The following FMNL2 variants were observed in gnomAD, a reference collection of about 807,000 sequenced individuals.
The protein encoded by FMNL2 is formin-like protein 2.
FMNL2 carries 51 observed loss-of-function variants against 130.2 expected under a neutral mutation model. The observed-to-expected ratio is 0.39, with a 90% CI of 0.31 to 0.49. The LOEUF (loss-of-function observed/expected upper bound fraction) is 0.49, where lower values mean the gene tolerates loss of function less well. Ranked by LOEUF, FMNL2 falls within the 20% of genes least tolerant of loss-of-function variation. The pLI, the probability that FMNL2 is intolerant of heterozygous loss-of-function variation, is 0.85. For synonymous variants in FMNL2, 465 were observed against 467.1 expected, an observed-to-expected ratio of 1.00 and a Z score of 0.06; for missense variants, 977 against 1,316.2, an observed-to-expected ratio of 0.74 and a Z score of 3.99.
chr2:152,386,876 T>C (rs1460962803), intron 1 of FMNL2, among the ~76,000 whole-genome samples: 1 of 152,202 alleles, frequency 6.6e-6, no homozygotes, highest in Non-Finnish European at 1.5e-5. Flanking sequence ...TTTTAATTTA[T>C]CTCAACAAAG....
intron 1 of FMNL2, among the ~76,000 whole-genome samples, chr2:152,397,882 GGGAGACCAAGGCAGGCGGATCACCTGA>G: frequency 6.6e-6 from 1 of 152,186 alleles, no homozygotes; most frequent in African/African-American, 2.4e-5. Flanking sequence ...CCAGCACCTT[GGGAGACCAAGGCAGGCGGATCACCTGA>G]GGTCAGGAGT....
chr2:152,637,690 C>T lies in FMNL2; in HGVS notation c.2946+16C>T, dbSNP rs752864361. On this transcript the variant is annotated intron_variant, in intron 23 of 25. Transcript: ENST00000288670. ...AGCATATAAGGTATATGTTAAGGCC[C>T]TCCTTGCCCTTATTTCTCAAGCAAT... 3 of 1,606,112 alleles carry T rather than the reference C, an allele frequency of 1.9e-6. No individual in the cohort carries two copies. In the Admixed American group the frequency reaches 5.0e-5, roughly 27 times the overall value.
chr2:152,336,296 G>A (rs1270725024), intron 1 of FMNL2, among the ~76,000 whole-genome samples: 3 of 152,110 alleles, frequency 2.0e-5, no homozygotes, highest in Admixed American at 6.5e-5. Context: ...AAGGGAAAGC[G>A]GAGACCCACA....
At chr2:152,638,442 G>T (rs1481429935) in intron 23 of FMNL2, among the ~76,000 whole-genome samples, 1 of 152,218 alleles carries the variant, frequency 6.6e-6, no homozygotes, top group Non-Finnish European at 1.5e-5. Context: ...GGAGGGATGT[G>T]GCAGGGTTCT....
rs1359705292 is a variant in FMNL2 at position 152,648,778 on chromosome 2, A to ACTCTC, written c.*878_*882dup. ...AGAGTAGTGTTAGGAACCTGGCCTTACTCTCCTCTGACAATCGCAATTTTT... is the reference window on the plus strand; with the variant it reads ...AGAGTAGTGTTAGGAACCTGGCCTTACTCTCCTCTCCTCTGACAATCGCAATTTTT... On this transcript the variant is annotated 3_prime_UTR_variant, in exon 26 of 26. Transcript: ENST00000288670. 6.6e-6 allele frequency: 1 copy of ACTCTC among 152,474 alleles called. No individual in the cohort carries two copies. The highest frequency in any genetic ancestry group is 1.9e-4 in the East Asian group (1 of 5,188). The allele number at this position is 152,474 out of a possible 1,614,324, so 9.4% of individuals were successfully genotyped here. A position where few individuals can be genotyped will look rare whatever the true frequency, so the allele number is the denominator to read the frequency against.
chr2:152,611,458 T>C lies in FMNL2; in HGVS notation c.952-37T>C, dbSNP rs111990322. 28 of 1,267,840 alleles carry C rather than the reference T, an allele frequency of 2.2e-5. 1 individual carries two copies. The highest frequency in any genetic ancestry group is 1.3e-4 in the African/African-American group (9 of 67,170). 78.5% of individuals were successfully genotyped at this position (1,267,840 alleles called of 1,614,324 possible). ...TCTGCAGTTAAACTGAGAAAAAAGTTTGGAGCCCATCTAACCCCTTGACAA... is the reference window on the plus strand; with the variant it reads ...TCTGCAGTTAAACTGAGAAAAAAGTCTGGAGCCCATCTAACCCCTTGACAA... On this transcript the variant is annotated intron_variant, in intron 10 of 25. Coordinates refer to ENST00000288670, the MANE Select transcript of FMNL2 (RefSeq NM_052905.4).
At chr2:152,645,351 T>C (rs746358557) in intron 25 of FMNL2, 18 of 657,202 alleles carry the variant, frequency 2.7e-5, no homozygotes, top group African/African-American at 3.8e-5. Flanking sequence ...CCTGGGAATG[T>C]TGAGCACTAA....
At chr2:152,360,934 T>G (rs1326140108) in intron 1 of FMNL2, among the ~76,000 whole-genome samples, 1 of 152,226 alleles carries the variant, frequency 6.6e-6, no homozygotes, top group Admixed American at 6.5e-5. Flanking sequence ...TTATAAGACT[T>G]CTTAAGTCTT....
At chr2:152,384,345 G>A (rs1684664511) in intron 1 of FMNL2, among the ~76,000 whole-genome samples, 1 of 152,130 alleles carries the variant, frequency 6.6e-6, no homozygotes, top group Non-Finnish European at 1.5e-5. Context: ...CCAGAGTCTG[G>A]ATTACCAGCC....
chr2:152,537,366 G>A (rs1014403572), intron 2 of FMNL2, among the ~76,000 whole-genome samples: 58 of 152,292 alleles, frequency 3.8e-4, no homozygotes, highest in African/African-American at 1.2e-3. Context: ...GCAGCCTAAC[G>A]TTCCAGGCAA....
intron 1 of FMNL2, among the ~76,000 whole-genome samples, chr2:152,485,704 G>A (rs1690785206): frequency 6.6e-6 from 1 of 152,162 alleles, no homozygotes; most frequent in African/African-American, 2.4e-5. Context: ...TATGGGAGGA[G>A]TACTCCATGA....
chr2:152,414,983 A>C (rs1048918561), intron 1 of FMNL2, among the ~76,000 whole-genome samples: 6 of 152,134 alleles, frequency 3.9e-5, no homozygotes, highest in African/African-American at 1.4e-4. Flanking sequence ...TATGTGTGGG[A>C]AGGTCCCTGA....
chr2:152,545,390 T>C (rs1694566396), intron 3 of FMNL2, among the ~76,000 whole-genome samples: 2 of 152,190 alleles, frequency 1.3e-5, no homozygotes. Context: ...TTGTGCAAAT[T>C]GAATAGAAGA....
At chr2:152,575,886 C>T (rs1696449389) in intron 7 of FMNL2, among the ~76,000 whole-genome samples, 1 of 152,090 alleles carries the variant, frequency 6.6e-6, no homozygotes, top group Non-Finnish European at 1.5e-5. Context: ...AATGCAGATT[C>T]CTCCTTTGGG....
Position 152,469,273 on chromosome 2 carries a change from C to T in FMNL2, c.118-52670C>T, listed in dbSNP as rs566428289. ...TTGCATACGTGTCATTTCAGCTCTT[C>T]CTGATATCATGTGTAACACCGAGGA... On this transcript the variant is annotated intron_variant, in intron 1 of 25. Coordinates refer to ENST00000288670, the MANE Select transcript of FMNL2 (RefSeq NM_052905.4). Among the ~76,000 whole-genome samples the T allele has an allele frequency of 7.2e-5, 11 of 152,298 alleles. No homozygotes were observed. In the South Asian group the frequency reaches 2.3e-3, roughly 32 times the overall value.
intron 1 of FMNL2, among the ~76,000 whole-genome samples, chr2:152,341,515 T>C (rs1681805276): frequency 6.6e-6 from 1 of 152,186 alleles, no homozygotes; most frequent in Admixed American, 6.5e-5. Flanking sequence ...AGCATTGGCC[T>C]GGGAGGCAGG....
At chr2:152,553,499 C>T (rs1370503) in intron 4 of FMNL2, among the ~76,000 whole-genome samples, 118,476 of 150,972 alleles carry the variant, frequency 0.78, 46,771 homozygotes, top group African/African-American at 0.85. Context: ...AGCCTAGATA[C>T]GGTCACTTCT....
At chr2:152,467,189 T>G (rs892124888) in intron 1 of FMNL2, among the ~76,000 whole-genome samples, 5 of 152,142 alleles carry the variant, frequency 3.3e-5, no homozygotes, top group African/African-American at 9.7e-5. Context: ...CTTTTTTTTC[T>G]GACAAGAGCT....
At chr2:152,401,471 C>T (rs1036091298) in intron 1 of FMNL2, among the ~76,000 whole-genome samples, 2 of 152,180 alleles carry the variant, frequency 1.3e-5, no homozygotes, top group Non-Finnish European at 2.9e-5. Flanking sequence ...TGAAATCCCA[C>T]CTGTCATTTA....
Sources: gnomAD v4.1 joint callset for allele counts (sites outside exome capture counted in the v4.1 genomes callset) on GRCh38, gnomAD v4.1.1 for gene constraint, MANE v1.5 for transcripts, NCBI Gene and HGNC (gene_info 2026-07-23, HGNC 2026-07-21) for gene names.